The following TBC1D8B variants were observed in gnomAD, a reference collection of about 807,000 sequenced individuals.
TBC1D8B encodes the protein RP11-321G1.1.
Under a neutral mutation model 82.9 loss-of-function variants are expected in TBC1D8B, and 75 were observed. The observed-to-expected ratio is 0.90, with a 90% CI of 0.75 to 1.10. The LOEUF is 1.10. Ranked by LOEUF, TBC1D8B falls within the 50% of genes least tolerant of loss-of-function variation. The probability of loss-of-function intolerance (pLI) is 0.00; values close to 1 mark genes in which losing one functional copy is unlikely to be tolerated. For synonymous variants in TBC1D8B, 276 were observed against 276.8 expected, an observed-to-expected ratio of 1.00 and a Z score of 0.03; for missense variants, 794 against 796.9, an observed-to-expected ratio of 1.00 and a Z score of 0.04.
chrX:106,820,468 C>T (rs776868068), intron 2 of TBC1D8B, among the ~76,000 whole-genome samples: 5 of 111,558 alleles, frequency 4.5e-5, no homozygotes, highest in Non-Finnish European at 9.5e-5. Flanking sequence ...ATGCTGTTTT[C>T]AGCCACACAT....
chrX:106,828,369 G>A (rs1412127337), intron 7 of TBC1D8B: 2 of 113,198 alleles, frequency 1.8e-5, no homozygotes, highest in African/African-American at 6.4e-5. Context: ...GGTACAAGGA[G>A]GAACTGGTAC....
At chrX:106,871,085 T>C (rs1932845482) in intron 20 of TBC1D8B, among the ~76,000 whole-genome samples, 1 of 111,552 alleles carries the variant, frequency 9.0e-6, no homozygotes, top group African/African-American at 3.3e-5. Flanking sequence ...TCCAACTTTA[T>C]TGGAAATGTT....
At chrX:106,870,884 T>C in intron 20 of TBC1D8B, 71 bp downstream of exon 20, 2 of 651,494 alleles carry the variant, frequency 3.1e-6, no homozygotes, top group Middle Eastern at 4.5e-4. Flanking sequence ...ACCTCTAAAA[T>C]AGCTAACATG....
chrX:106,858,009 T>C (rs2147767230), intron 14 of TBC1D8B, among the ~76,000 whole-genome samples: 1 of 112,621 alleles, frequency 8.9e-6, no homozygotes, highest in Non-Finnish European at 1.9e-5. Context: ...CCACAGTGGC[T>C]GACTTAATTT....
intron 20 of TBC1D8B, among the ~76,000 whole-genome samples, chrX:106,871,927 C>T (rs1177061892): frequency 1.8e-5 from 2 of 111,454 alleles, no homozygotes; most frequent in East Asian, 2.8e-4. Flanking sequence ...CTTCTCTCCA[C>T]GTGGAGTTGG....
Position 106,849,884 on chromosome X carries a change from A to G in TBC1D8B, c.1838-141A>G, listed in dbSNP as rs944209601. On this transcript the variant is annotated intron_variant, in intron 11 of 20. Coordinates refer to ENST00000357242, the MANE Select transcript of TBC1D8B (RefSeq NM_017752.3). The stretch of plus-strand genomic sequence containing the variant: ...GACACTACTAGCAGTTAGATGTATA[A>G]AATACAGAAGAGGTTCTGAAAGAGT... The G allele has an allele frequency of 2.0e-5, 21 of 1,061,476 alleles. No homozygotes were observed. The Admixed American group carries it at 8.1e-4, about 41-fold the overall frequency. 87.5% of individuals were successfully genotyped at this position (1,061,476 alleles called of 1,213,427 possible).
At position 106,854,237 on chromosome X, in the gene TBC1D8B, C is replaced by G; in HGVS notation, c.2293C>G (p.Arg765Gly). The G allele has an allele frequency of 8.4e-7, 1 of 1,195,271 alleles. No homozygotes were observed. Among genetic ancestry groups the G allele is most frequent in the Non-Finnish European group, 1.1e-6 (1 of 888,458 alleles). Residue 765 changes from arginine to glycine, a missense_variant, in exon 14 of 21, where the codon CGC becomes GGC. Coordinates refer to ENST00000357242, the MANE Select transcript of TBC1D8B (RefSeq NM_017752.3). The stretch of plus-strand genomic sequence containing the variant: ...TCGCTATGAAGATATACATAGTATG[C>G]GCTGTCGAAATAGGTTGTATGTGAT... ...NIRYEDIHSMRCRNRLYVIQT... is the reference protein window; with the variant it reads ...NIRYEDIHSMGCRNRLYVIQT...
chrX:106,852,095 A>G (rs1232080870), intron 12 of TBC1D8B, among the ~76,000 whole-genome samples: 1 of 108,329 alleles, frequency 9.2e-6, no homozygotes, highest in Non-Finnish European at 1.9e-5. Flanking sequence ...TGACTTTTTA[A>G]TGATCGCCAT....
intron 7 of TBC1D8B, among the ~76,000 whole-genome samples, chrX:106,831,757 T>A (rs1415166370): frequency 1.8e-5 from 2 of 111,698 alleles, no homozygotes; most frequent in Non-Finnish European, 1.9e-5. Flanking sequence ...ATTCTACAGT[T>A]TTCTAGTTTC....
chrX:106,837,510 C>T (rs990922323), intron 7 of TBC1D8B, among the ~76,000 whole-genome samples: 3 of 111,575 alleles, frequency 2.7e-5, no homozygotes, highest in African/African-American at 9.7e-5. Context: ...TTCATACCCA[C>T]TAGGGTGGCT....
intron 10 of TBC1D8B, among the ~76,000 whole-genome samples, chrX:106,847,909 C>T (rs1205455157): frequency 2.7e-5 from 3 of 111,299 alleles, no homozygotes; most frequent in East Asian, 2.8e-4. Flanking sequence ...TTTCACTCTT[C>T]GAAATTAGAG....
chrX:106,820,776 G>A, intron 2 of TBC1D8B, 101 bp from the exon 3 acceptor site: 1 of 585,422 alleles, frequency 1.7e-6, no homozygotes, highest in South Asian at 2.9e-5. Flanking sequence ...ATTTTTTAAA[G>A]TGAAAATGTT....
chrX:106,859,703 A>G lies in TBC1D8B; in HGVS notation c.2352+5407A>G, dbSNP rs749808845. ...GCCTTTTATTTCTTTCTCTTGCCTG[A>G]TTGTTCGGGCTAGGACTGTCTGTAC... On this transcript the variant is annotated intron_variant, in intron 14 of 20. Coordinates refer to ENST00000357242, the MANE Select transcript of TBC1D8B (RefSeq NM_017752.3). 1.3e-3 allele frequency among the ~76,000 whole-genome samples: 145 copies of G among 111,217 alleles called. 1 individual carries two copies. The highest frequency in any genetic ancestry group is 4.4e-3 in the African/African-American group (136 of 30,597).
Position 106,826,135 on chromosome X carries a change from C to G in TBC1D8B, c.933C>G (p.Phe311Leu), listed in dbSNP as rs1473468382. Residue 311 changes from phenylalanine to leucine, a missense_variant, in exon 6 of 21, where the codon TTC becomes TTG. Transcript: ENST00000357242. Reference protein sequence around the residue: ...EVHECFLWVPFSHFNTHGKMC... With the variant: ...EVHECFLWVPLSHFNTHGKMC... ...ATGAATGTTTCTTATGGGTACCATTCAGCCACTTCAATACTCATGGGAAAA... is the reference window on the plus strand; with the variant it reads ...ATGAATGTTTCTTATGGGTACCATTGAGCCACTTCAATACTCATGGGAAAA... 2.5e-6 allele frequency: 3 copies of G among 1,208,397 alleles called. No individual in the cohort carries two copies. The highest frequency in any genetic ancestry group is 2.2e-6 in the Non-Finnish European group (2 of 894,275).
At chrX:106,852,669 G>T (rs1239840456) in intron 12 of TBC1D8B, among the ~76,000 whole-genome samples, 9 of 109,109 alleles carry the variant, frequency 8.2e-5, no homozygotes, top group African/African-American at 3.0e-4. Flanking sequence ...TTATTAAATA[G>T]GGAATCCTTT....
chrX:106,848,163 A>G (rs1483976405), intron 10 of TBC1D8B, 23 bp from the exon 11 acceptor site: 1 of 1,087,745 alleles, frequency 9.2e-7, no homozygotes, highest in Non-Finnish European at 1.2e-6. Context: ...TTGCTTTTTA[A>G]TACTGTTTTC....
intron 7 of TBC1D8B, among the ~76,000 whole-genome samples, chrX:106,833,311 G>T (rs973459869): frequency 1.8e-5 from 2 of 111,501 alleles, no homozygotes; most frequent in Non-Finnish European, 3.8e-5. Context: ...AATCTATGTT[G>T]CTTTCTAGAT....
intron 12 of TBC1D8B, among the ~76,000 whole-genome samples, chrX:106,850,871 A>G (rs1364321142): frequency 8.9e-6 from 1 of 111,845 alleles, no homozygotes; most frequent in Non-Finnish European, 1.9e-5. Flanking sequence ...TAAAATACAA[A>G]CATCTTACTC....
chrX:106,873,500 A>G, intron 20 of TBC1D8B, 70 bp from the exon 21 acceptor site: 1 of 1,033,634 alleles, frequency 9.7e-7, no homozygotes, highest in South Asian at 2.3e-5. Flanking sequence ...GAGACTATTC[A>G]CTTCTAAGTT....
Sources: allele counts gnomAD v4.1 joint callset (sites outside exome capture counted in the v4.1 genomes callset), GRCh38; gene constraint gnomAD v4.1.1; transcripts MANE v1.5; gene names NCBI Gene and HGNC (gene_info 2026-07-23, HGNC 2026-07-21).